Variants in SPAG1 observed in about 807,000 individuals in gnomAD.
SPAG1 encodes sperm-associated antigen 1.
SPAG1 carries 69 observed loss-of-function variants against 100.5 expected under a neutral mutation model. That is an observed-to-expected ratio of 0.69 (90% CI 0.57 to 0.84). The LOEUF (loss-of-function observed/expected upper bound fraction) is 0.84, where lower values mean the gene tolerates loss of function less well. Among genes scored for constraint, SPAG1 ranks in the 40% least tolerant of loss-of-function variants. SPAG1 has a pLI of 0.00. For missense variants in SPAG1, 955 were observed against 1,133.1 expected, an observed-to-expected ratio of 0.84 and a Z score of 2.26; for synonymous variants, 336 against 411.6, an observed-to-expected ratio of 0.82 and a Z score of 2.22.
chr8:100,236,311 T>TA (rs1819003611), intron 16 of SPAG1, among the ~76,000 whole-genome samples: 1 of 152,328 alleles, frequency 6.6e-6, no homozygotes, highest in South Asian at 2.1e-4. Context: ...TTCAGAATTT[T>TA]AAAAAATGTT....
chr8:100,213,917 A>G lies in SPAG1; in HGVS notation c.1534A>G (p.Arg512Gly). 1 of 1,547,194 alleles carries G rather than the reference A, an allele frequency of 6.5e-7. No homozygotes were observed. The highest frequency in any genetic ancestry group is 1.4e-5 in the African/African-American group (1 of 73,692). The change falls in exon 12 of 19, where the codon AGG (arginine) becomes GGG (glycine). Residue 512 changes from arginine (R) to glycine (G), a missense_variant and splice_region_variant. Physicochemically the swap from Arg to Gly is moderately radical, Grantham distance 125. Transcript: ENST00000388798. ...CAGTGGCTGCATTCAAGATTGTAAC[A>G]GGTAAACTGCACGTTTTCAGGTTTG... ...NCSGCIQDCN[R>G]ALELHPFSMK...
Position 100,182,636 on chromosome 8 carries a change from T to C in SPAG1, c.427-739T>C, listed in dbSNP as rs138441307. 6.4e-3 allele frequency among the ~76,000 whole-genome samples: 979 copies of C among 152,316 alleles called. 11 individuals carry two copies. The highest frequency in any genetic ancestry group is 0.022 in the African/African-American group (929 of 41,556). ...AGTTATATAAGCTGATAATTTCTTC[T>C]TTTTTAATGTAATTATTCCAAATCA... On this transcript the variant is annotated intron_variant, in intron 4 of 18. Coordinates refer to ENST00000388798, the MANE Select transcript of SPAG1 (RefSeq NM_003114.5).
intron 3 of SPAG1, among the ~76,000 whole-genome samples, chr8:100,173,261 G>T (rs1052301689): frequency 6.6e-6 from 1 of 151,956 alleles, no homozygotes; most frequent in Non-Finnish European, 1.5e-5. Context: ...TAGAACTCTT[G>T]TTGGCCACTT....
chr8:100,163,572 T>TG (rs1815412878), intron 2 of SPAG1, among the ~76,000 whole-genome samples: 1 of 152,100 alleles, frequency 6.6e-6, no homozygotes, highest in African/African-American at 2.4e-5. Flanking sequence ...AGAAGACACT[T>TG]GTGGAGCATG....
At chr8:100,193,594 A>T (rs189480952) in intron 9 of SPAG1, among the ~76,000 whole-genome samples, 5 of 152,330 alleles carry the variant, frequency 3.3e-5, no homozygotes, top group African/African-American at 1.2e-4. Flanking sequence ...TCAGCATAAA[A>T]TATTTCAGAA....
chr8:100,216,519 A>G (rs1817992829), intron 12 of SPAG1, among the ~76,000 whole-genome samples: 1 of 152,132 alleles, frequency 6.6e-6, no homozygotes, highest in Non-Finnish European at 1.5e-5. Flanking sequence ...GGGCTTGTCC[A>G]AGGGGAGGGC....
In SPAG1 at chr8:100,239,265, T is replaced by C. The variant is rs1819146053; in HGVS notation, c.2141T>C (p.Leu714Pro). ...AATTATCAGAAAAGCTTAATTGATC[T>C]CAATAAAGTTATCCTACTAGATCCA... is the stretch of plus-strand genomic sequence containing the variant. ...LKNYQKSLID[L>P]NKVILLDPSI... Residue 714 changes from leucine (L) to proline (P), a missense_variant, in exon 17 of 19, where the codon CTC (leucine) becomes CCC (proline). Physicochemically the swap from Leu to Pro is moderately conservative, Grantham distance 98. Transcript: ENST00000388798. This position sits in a 1 kb window ranked among gnomAD's most constrained non-coding sequence, Gnocchi z 5.0. 6.6e-7 allele frequency: 1 copy of C among 1,508,102 alleles called. No homozygotes were observed. Among genetic ancestry groups the C allele is most frequent in the Non-Finnish European group, 8.9e-7 (1 of 1,128,020 alleles). 93.4% of individuals were successfully genotyped at this position (1,508,102 alleles called of 1,614,324 possible). A position where few individuals can be genotyped will look rare whatever the true frequency, so the allele number is the denominator to read the frequency against.
chr8:100,213,140 G>C lies in SPAG1; in HGVS notation c.1147G>C (p.Gly383Arg). The C allele has an allele frequency of 1.3e-6, 2 of 1,485,470 alleles. No individual in the cohort carries two copies. Among genetic ancestry groups the C allele is most frequent in the Non-Finnish European group, 8.9e-7 (1 of 1,124,848 alleles). The allele number at this position is 1,485,470 out of a possible 1,614,324, so 92.0% of individuals were successfully genotyped here. ...AARAAQPCVM[G>R]NIQKKLTGKA... ...GCGCGCCGCCCAGCCGTGCGTCATG[G>C]GCAACATCCAGAAGAAGCTGACTGG... The change falls in exon 11 of 19, where the codon GGC becomes CGC. Residue 383 changes from glycine (G) to arginine (R), a missense_variant. Gly to Arg is a moderately radical substitution (Grantham distance 125). Coordinates refer to ENST00000388798, the MANE Select transcript of SPAG1 (RefSeq NM_003114.5).
Position 100,241,881 on chromosome 8 carries a change from A to G in SPAG1, c.*859A>G, listed in dbSNP as rs1819286519. ...TGAAAGCTCCTTTGTTGACTGGGTC[A>G]AAGTGAAGGAATTTCAATCTCCATC... On this transcript the variant is annotated 3_prime_UTR_variant, in exon 19 of 19. Transcript: ENST00000388798. The surrounding 1 kb of genome is among the most constrained non-coding windows in gnomAD (Gnocchi z 5.1). 6.6e-6 allele frequency: 1 copy of G among 152,232 alleles called. No individual in the cohort carries two copies. The highest frequency in any genetic ancestry group is 2.4e-5 in the African/African-American group (1 of 41,466). The allele number at this position is 152,232 out of a possible 1,614,324, so 9.4% of individuals were successfully genotyped here.
chr8:100,181,780 A>G (rs1429081220), intron 4 of SPAG1, among the ~76,000 whole-genome samples: 2 of 152,192 alleles, frequency 1.3e-5, no homozygotes, highest in African/African-American at 4.8e-5. Flanking sequence ...TAATGACTTC[A>G]TCTTCATTTG....
Position 100,220,376 on chromosome 8 carries a change from A to G in SPAG1, c.1633A>G (p.Lys545Glu), listed in dbSNP as rs745469646. The G allele has an allele frequency of 1.2e-6, 2 of 1,614,070 alleles. No homozygotes were observed. The highest frequency in any genetic ancestry group is 3.3e-5 in the Admixed American group (2 of 60,026). ...GTATGGGAAAGCTTATGTGGATTAT[A>G]AAACAGTGTTGCAGATAGACTGTGG... ...EQYGKAYVDYKTVLQIDCGLQ... is the reference protein window; with the variant it reads ...EQYGKAYVDYETVLQIDCGLQ... The change falls in exon 13 of 19, where the codon AAA becomes GAA. Residue 545 changes from lysine (K) to glutamate (E), a missense_variant. Transcript: ENST00000388798.
intron 3 of SPAG1, among the ~76,000 whole-genome samples, 156 bp downstream of exon 3, chr8:100,166,129 C>T (rs1815541455): frequency 6.6e-6 from 1 of 152,098 alleles, no homozygotes; most frequent in Non-Finnish European, 1.5e-5. Flanking sequence ...GGGAACATTG[C>T]GAATTCGCGT....
rs749652703 is a variant in SPAG1 at position 100,183,380 on chromosome 8, A to C, written c.432A>C (p.Lys144Asn). Residue 144 changes from lysine to asparagine, a missense_variant, in exon 5 of 19, where the codon AAA becomes AAC. Lys to Asn is a moderately conservative substitution (Grantham distance 94, BLOSUM62 0). Transcript: ENST00000388798. ...ATATGATTTTATTCTTTTAGGAAAA[A>C]TATTCTAAAAGACCAACTAAAAAGA... ...SNSCLHVGKE[K>N]YSKRPTKKKT... The C allele has an allele frequency of 1.5e-6, 2 of 1,354,044 alleles. No homozygotes were observed. The highest frequency in any genetic ancestry group is 1.5e-5 in the African/African-American group (1 of 68,674). The allele number at this position is 1,354,044 out of a possible 1,614,324, so 83.9% of individuals were successfully genotyped here. A position where few individuals can be genotyped will look rare whatever the true frequency, so the allele number is the denominator to read the frequency against.
chr8:100,182,447 A>C (rs1437168145), intron 4 of SPAG1, among the ~76,000 whole-genome samples: 3 of 152,266 alleles, frequency 2.0e-5, no homozygotes, highest in Admixed American at 6.5e-5. Flanking sequence ...ATAATTCCAG[A>C]ATGCTTGTGG....
At chr8:100,202,534 C>T (rs1210904805) in intron 10 of SPAG1, among the ~76,000 whole-genome samples, 2 of 149,632 alleles carry the variant, frequency 1.3e-5, no homozygotes, top group African/African-American at 2.5e-5. Flanking sequence ...CACGGTGAAA[C>T]CCCGTCTCTA....
chr8:100,216,903 CT>C (rs1186924842), intron 12 of SPAG1, among the ~76,000 whole-genome samples: 1 of 141,926 alleles, frequency 7.0e-6, no homozygotes, highest in Non-Finnish European at 1.5e-5. Flanking sequence ...AGTTAATTAT[CT>C]TTGCTCTTTG....
chr8:100,191,340 C>G (rs753943062), intron 8 of SPAG1, 50 bp from the exon 9 acceptor site: 4 of 1,268,704 alleles, frequency 3.2e-6, no homozygotes, highest in Non-Finnish European at 4.6e-6. Flanking sequence ...ATGTTGTAAC[C>G]ATAATGCCAC....
intron 12 of SPAG1, among the ~76,000 whole-genome samples, chr8:100,217,130 G>A: frequency 6.6e-6 from 1 of 151,596 alleles, no homozygotes. Context: ...TAGAGAAGGG[G>A]TTTCACCATG....
At chr8:100,180,542 A>C (rs555121271) in intron 4 of SPAG1, among the ~76,000 whole-genome samples, 42 of 152,368 alleles carry the variant, frequency 2.8e-4, no homozygotes, top group African/African-American at 9.9e-4. Context: ...TCAGGATGGC[A>C]TCTCCTCTAA....
Sources: gnomAD v4.1 joint callset for allele counts (sites outside exome capture counted in the v4.1 genomes callset) on GRCh38, gnomAD v4.1.1 for gene constraint, Gnocchi (gnomAD v3.1) non-coding constraint, MANE v1.5 for transcripts, NCBI Gene and HGNC (gene_info 2026-07-23, HGNC 2026-07-21) for gene names.